Variants in C4orf50 observed in about 807,000 individuals in gnomAD.
C4orf50 encodes uncharacterized protein C4orf50.
Under a neutral mutation model 77.2 loss-of-function variants are expected in C4orf50, and 80 were observed. The observed-to-expected ratio is 1.04, with a 90% CI of 0.87 to 1.25. The LOEUF is 1.25. C4orf50 is among the 50% of genes most tolerant of loss of function. C4orf50 has a pLI of 0.00. For missense variants in C4orf50, 1,257 were observed against 1,152.9 expected (o/e 1.09, Z -1.31); for synonymous variants, 532 against 465.3 (o/e 1.14, Z -1.84).
At chr4:5,967,550 C>A in intron 31 of C4orf50, 88 bp from the exon 10 acceptor site, 1 of 1,230,968 alleles carries the variant, frequency 8.1e-7, no homozygotes. Flanking sequence ...CAAGCAGGGC[C>A]ATCACCCCTC....
At chr4:5,996,051 G>A (rs959017409) in intron 25 of C4orf50, among the ~76,000 whole-genome samples, 11 of 152,214 alleles carry the variant, frequency 7.2e-5, no homozygotes, top group Admixed American at 6.5e-4. Context: ...GGGTCAGCAC[G>A]AATGCTGAAA....
intron 23 of C4orf50, among the ~76,000 whole-genome samples, chr4:6,012,985 T>C (rs1432416629): frequency 2.0e-5 from 3 of 152,246 alleles, no homozygotes; most frequent in Non-Finnish European, 4.4e-5. Context: ...GGACAGATAC[T>C]GATGCCCTGG....
rs531119151 is a variant in C4orf50, at chr4:5,992,313, T to C, written c.1221+490A>G. Among the ~76,000 whole-genome samples, 3 of 151,966 alleles carry C rather than the reference T, an allele frequency of 2.0e-5. No homozygotes were observed. In the East Asian group the frequency reaches 5.8e-4, roughly 29 times the overall value. ...GCTCTGTTCCTCAGGGATGAGAAAA[T>C]GGAAGTGGAGAAAGGTTACGACTGC... On this transcript the variant is annotated intron_variant, in intron 27 of 33. Coordinates refer to ENST00000531445, the Ensembl canonical transcript of C4orf50. The surrounding 1 kb of genome is among the most constrained non-coding windows in gnomAD (Gnocchi z 5.0).
chr4:5,932,117 G>A lies in C4orf50; in HGVS notation c.*2474+24784C>T, dbSNP rs979860204. 3.6e-5 allele frequency among the ~76,000 whole-genome samples: 5 copies of A among 138,438 alleles called. No individual in the cohort carries two copies. Among genetic ancestry groups the A allele is most frequent in the African/African-American group, 1.4e-4 (5 of 35,978 alleles). 90.8% of individuals were successfully genotyped at this position (138,438 alleles called of 152,430 possible). ...TGTTTGGCCTCTTGCCCCCCTCTCA[G>A]CTGAGGAAGGCAGGTGTAACTCACT... is the stretch of plus-strand genomic sequence containing the variant. On this transcript the variant is annotated intron_variant, in intron 7 of 7. Coordinates refer to the C4orf50 transcript ENST00000324058. The surrounding 1 kb of genome is among the most constrained non-coding windows in gnomAD (Gnocchi z 4.2).
chr4:5,915,167 C>A (rs891197126), intron 7 of C4orf50, among the ~76,000 whole-genome samples: 1 of 152,162 alleles, frequency 6.6e-6, no homozygotes, highest in African/African-American at 2.4e-5. Flanking sequence ...TTCTGAAATA[C>A]CCCCTTCCTG....
intron 7 of C4orf50, among the ~76,000 whole-genome samples, chr4:5,944,760 G>T (rs1450854775): frequency 6.6e-6 from 1 of 152,170 alleles, no homozygotes. Flanking sequence ...GGGCAGCTGG[G>T]ACAGGGCTCA....
chr4:5,988,745 T>A, exon 28 of C4orf50: 42 of 1,536,034 alleles, frequency 2.7e-5, no homozygotes, highest in Non-Finnish European at 3.6e-5. Flanking sequence ...GTGACTTCCC[T>A]CTCCAGGACA....
At chr4:5,994,511 T>G (rs1277015612) in intron 25 of C4orf50, 35 bp from the exon 4 acceptor site, 2 of 399,064 alleles carry the variant, frequency 5.0e-6, no homozygotes, top group Admixed American at 8.8e-5. Context: ...GAGCCGTCAG[T>G]GTCCTGGCTG....
chr4:5,988,489 C>T, exon 28 of C4orf50: 1 of 1,549,550 alleles, frequency 6.5e-7, no homozygotes, highest in Non-Finnish European at 8.7e-7. Flanking sequence ...ACCAGTGTTT[C>T]TCCAGACCAG....
intron 7 of C4orf50, among the ~76,000 whole-genome samples, chr4:5,937,242 T>C (rs1341792016): frequency 6.6e-6 from 1 of 151,992 alleles, no homozygotes; most frequent in Non-Finnish European, 1.5e-5. Context: ...GTGAAAAGTA[T>C]AAAAATAGAG....
At position 6,008,486 on chromosome 4, in the gene C4orf50, C is replaced by T. The variant is rs548929659; in HGVS notation, c.473G>A (p.Arg158Gln). The stretch of plus-strand genomic sequence containing the variant: ...CTTGCGCCGCAACCGCTCCTGCAAC[C>T]GCCGCAGCCGCCACTGCTGCCGCCT... The change falls in exon 25 of 34, where the codon CGG becomes CAG. Residue 158 changes from arginine (R) to glutamine (Q), a missense_variant. Physicochemically the swap from Arg to Gln is conservative, Grantham distance 43. Coordinates refer to ENST00000531445, the Ensembl canonical transcript of C4orf50. The surrounding 1 kb of genome is among the most constrained non-coding windows in gnomAD (Gnocchi z 6.0). 4,249 of 397,918 alleles carry T rather than the reference C, an allele frequency of 0.011. 37 individuals carry two copies. The highest frequency in any genetic ancestry group is 0.013 in the Non-Finnish European group (2,995 of 225,636). 24.6% of individuals were successfully genotyped at this position (397,918 alleles called of 1,614,324 possible). A position where few individuals can be genotyped will look rare whatever the true frequency, so the allele number is the denominator to read the frequency against.
intron 27 of C4orf50, among the ~76,000 whole-genome samples, chr4:5,991,347 T>C (rs61519016): frequency 0.18 from 27,126 of 152,178 alleles, 2,640 homozygotes; most frequent in Non-Finnish European, 0.21. Context: ...TCTTGGGCAG[T>C]GCAGATGCAG....
intron 29 of C4orf50, among the ~76,000 whole-genome samples, chr4:5,976,457 GAAAAAAA>G (rs138450804): frequency 0.1 from 9,414 of 93,090 alleles, 536 homozygotes; most frequent in Non-Finnish European, 0.13. Flanking sequence ...CTCTGTCTCG[GAAAAAAA>G]AAAAAAAAAA....
At chr4:5,949,037 T>C (rs910303490) in intron 7 of C4orf50, among the ~76,000 whole-genome samples, 5 of 150,992 alleles carry the variant, frequency 3.3e-5, no homozygotes, top group Admixed American at 1.3e-4. Flanking sequence ...ACACCACCTT[T>C]AAAGGAGTTT....
In C4orf50 at chr4:5,935,784, T is replaced by TAAAAAAAAAAAAAA. The variant is rs769910855; in HGVS notation, c.*2474+21103_*2474+21116dup. On this transcript the variant is annotated intron_variant, in intron 7 of 7. Transcript: ENST00000324058. The stretch of plus-strand genomic sequence containing the variant: ...CTGGGCGACAGAGGGAGACTCCGTC[T>TAAAAAAAAAAAAAA]AAAAAAAAAAAAAAAAAAAAAAAAA... Among the ~76,000 whole-genome samples the TAAAAAAAAAAAAAA allele has an allele frequency of 4.8e-4, 15 of 31,488 alleles. 1 individual carries two copies. The highest frequency in any genetic ancestry group is 7.1e-4 in the Non-Finnish European group (9 of 12,738). 20.7% of individuals were successfully genotyped at this position (31,488 alleles called of 152,430 possible). A position where few individuals can be genotyped will look rare whatever the true frequency, so the allele number is the denominator to read the frequency against.
chr4:6,008,597 C>G lies in C4orf50; in HGVS notation c.427-65G>C, dbSNP rs911216591. The G allele has an allele frequency of 2.8e-5, 11 of 395,920 alleles. No individual in the cohort carries two copies. In the Admixed American group the frequency reaches 4.9e-4, roughly 18 times the overall value. The allele number at this position is 395,920 out of a possible 1,614,324, so 24.5% of individuals were successfully genotyped here. The stretch of plus-strand genomic sequence containing the variant: ...AGGACACACCATGGTTCACATTGGT[C>G]CTGTCTTGACTTAACATTTCTGTAT... On this transcript the variant is annotated intron_variant, in intron 24 of 33. Coordinates refer to ENST00000531445, the Ensembl canonical transcript of C4orf50. This position sits in a 1 kb window ranked among gnomAD's most constrained non-coding sequence, Gnocchi z 6.0.
rs1721352003 is a variant in C4orf50 at position 5,992,617 on chromosome 4, T to A, written c.1221+186A>T. Among the ~76,000 whole-genome samples the A allele has an allele frequency of 6.8e-6, 1 of 147,796 alleles. No homozygotes were observed. The highest frequency in any genetic ancestry group is 1.5e-5 in the Non-Finnish European group (1 of 66,812). ...TAACCCCCTTCCTCCCCACCCCCCA[T>A]CCAGGTCTCAGGATGTTTCATTTCC... On this transcript the variant is annotated intron_variant, in intron 27 of 33. Transcript: ENST00000531445. The surrounding 1 kb of genome is among the most constrained non-coding windows in gnomAD (Gnocchi z 5.0).
rs1717176326 is a variant in C4orf50 at position 5,919,530 on chromosome 4, T to C, written c.*2475-21342A>G. The stretch of plus-strand genomic sequence containing the variant: ...ATGTCGAGGACGTCTCCCAGGAAGG[T>C]TTCCCTGAGCAGCTATCAGCTGAAG... On this transcript the variant is annotated intron_variant, in intron 7 of 7. Transcript: ENST00000324058. This position sits in a 1 kb window ranked among gnomAD's most constrained non-coding sequence, Gnocchi z 6.5. Among the ~76,000 whole-genome samples, 1 of 151,588 alleles carries C rather than the reference T, an allele frequency of 6.6e-6. No individual in the cohort carries two copies. The highest frequency in any genetic ancestry group is 2.1e-4 in the South Asian group (1 of 4,778).
Position 5,932,046 on chromosome 4 carries a change from C to T in C4orf50, c.*2474+24855G>A, listed in dbSNP as rs1194711233. On this transcript the variant is annotated intron_variant, in intron 7 of 7. Transcript: ENST00000324058. This position sits in a 1 kb window ranked among gnomAD's most constrained non-coding sequence, Gnocchi z 4.2. ...CCAAAATGCTAAGCTCTTCCCAACG[C>T]CCCCCCGCCCCCCACCCCTGCCAAC... Among the ~76,000 whole-genome samples the T allele has an allele frequency of 7.3e-6, 1 of 136,502 alleles. No individual in the cohort carries two copies. Among genetic ancestry groups the T allele is most frequent in the African/African-American group, 2.7e-5 (1 of 36,758 alleles). 89.6% of individuals were successfully genotyped at this position (136,502 alleles called of 152,430 possible). A position where few individuals can be genotyped will look rare whatever the true frequency, so the allele number is the denominator to read the frequency against.
Sources: allele counts gnomAD v4.1 joint callset (sites outside exome capture counted in the v4.1 genomes callset), GRCh38; gene constraint gnomAD v4.1.1; non-coding constraint Gnocchi (gnomAD v3.1); transcripts MANE v1.5; gene names NCBI Gene and HGNC (gene_info 2026-07-23, HGNC 2026-07-21).